Variants in TUSC3 observed in about 807,000 individuals in gnomAD.
TUSC3 encodes the protein dolichyl-diphosphooligosaccharide--protein glycosyltransferase subunit TUSC3.
In TUSC3, 45 loss-of-function variants were observed where a neutral mutation model predicts 44.8. The observed-to-expected ratio is 1.00, with a 90% confidence interval of 0.79 to 1.29. TUSC3 has a LOEUF of 1.29. Ranked by LOEUF, TUSC3 falls within the 50% of genes most tolerant of loss-of-function variation. The pLI is 0.00. For missense variants in TUSC3, 519 were observed against 437.9 expected, an observed-to-expected ratio of 1.19 and a Z score of -1.65; for synonymous variants, 212 against 152.9, an observed-to-expected ratio of 1.39 and a Z score of -2.85.
At chr8:15,785,122 C>G in the TUSC3 span, among the ~76,000 whole-genome samples, 3 of 152,106 alleles carry the variant, frequency 2.0e-5, no homozygotes, top group African/African-American at 7.2e-5. Flanking sequence ...ATATTAGGTA[C>G]AGTGCACACT....
chr8:15,442,112 T>A (rs548919553), intron 1 of TUSC3, among the ~76,000 whole-genome samples: 88 of 152,320 alleles, frequency 5.8e-4, no homozygotes, highest in Non-Finnish European at 9.7e-4. Context: ...AGGATTTGAA[T>A]GTGTTTAACT....
intron 1 of TUSC3, among the ~76,000 whole-genome samples, chr8:15,605,526 C>G (rs1259487930): frequency 6.6e-6 from 1 of 151,552 alleles, no homozygotes; most frequent in African/African-American, 2.4e-5. Context: ...AGATTTTTTT[C>G]AAATCAATAT....
At chr8:15,567,021 A>G (rs1250342302) in intron 1 of TUSC3, among the ~76,000 whole-genome samples, 7 of 152,146 alleles carry the variant, frequency 4.6e-5, no homozygotes, top group Non-Finnish European at 8.8e-5. Flanking sequence ...CTTGGCTAAG[A>G]TAATGGCAAA....
intron 1 of TUSC3, among the ~76,000 whole-genome samples, chr8:15,583,847 A>G (rs531161147): frequency 6.6e-6 from 1 of 152,260 alleles, no homozygotes; most frequent in East Asian, 1.9e-4. Flanking sequence ...AAAACCACAA[A>G]CCCTTATTTT....
intron 2 of TUSC3, among the ~76,000 whole-genome samples, chr8:15,484,788 C>T (rs564579344): frequency 1.3e-5 from 2 of 152,302 alleles, no homozygotes; most frequent in African/African-American, 4.8e-5. Flanking sequence ...ACAGTTCCAT[C>T]ACTTTTAAAA....
In TUSC3 at chr8:15,584,296, GTGTT is replaced by G. The variant is rs1803504458; in HGVS notation, c.139-38778_139-38775del. On this transcript the variant is annotated intron_variant, in intron 1 of 10. Coordinates refer to ENST00000503731, the MANE Select transcript of TUSC3 (RefSeq NM_006765.4). Reference sequence around the variant, plus strand: ...GGCAGGGTGATCCAGAAGGATAGGGGTGTTTGTTTTGTTGTTTCTTCCCCCGCTT... The same window carrying G: ...GGCAGGGTGATCCAGAAGGATAGGGGTGTTTTGTTGTTTCTTCCCCCGCTT... 2.0e-5 allele frequency among the ~76,000 whole-genome samples: 3 copies of G among 152,126 alleles called. No homozygotes were observed. The South Asian group carries it at 6.2e-4, about 31-fold the overall frequency.
intron 1 of TUSC3, among the ~76,000 whole-genome samples, chr8:15,549,468 G>A (rs910020186): frequency 2.0e-5 from 3 of 151,580 alleles, no homozygotes; most frequent in Non-Finnish European, 4.4e-5. Context: ...CACCATGCTC[G>A]GCCTAATGTA....
chr8:15,623,376 T>A (rs1235662623), intron 2 of TUSC3, 127 bp downstream of exon 2: 1 of 989,600 alleles, frequency 1.0e-6, no homozygotes, highest in Non-Finnish European at 1.4e-6. Flanking sequence ...AACTGTGCAT[T>A]TAAAAATAAG....
At chr8:15,842,925 A>G in the TUSC3 span, among the ~76,000 whole-genome samples, 1 of 152,332 alleles carries the variant, frequency 6.6e-6, no homozygotes, top group East Asian at 1.9e-4. Context: ...ACCATGCAGA[A>G]CCATAAAAGT....
At chr8:15,825,766 T>C in the TUSC3 span, among the ~76,000 whole-genome samples, 2 of 152,188 alleles carry the variant, frequency 1.3e-5, no homozygotes, top group African/African-American at 2.4e-5. Flanking sequence ...ATGCATTTTT[T>C]TGCCCAGGTA....
At chr8:15,678,965 C>T (rs1378853059) in intron 6 of TUSC3, among the ~76,000 whole-genome samples, 1 of 152,070 alleles carries the variant, frequency 6.6e-6, no homozygotes, top group African/African-American at 2.4e-5. Flanking sequence ...CATAGTATTC[C>T]TTGGTGTATA....
At chr8:15,574,251 CTCTT>C (rs1279825866) in intron 1 of TUSC3, among the ~76,000 whole-genome samples, 1 of 152,108 alleles carries the variant, frequency 6.6e-6, no homozygotes, top group African/African-American at 2.4e-5. Context: ...CTCCTTCTCT[CTCTT>C]TGTCTTAATC....
At chr8:15,805,055 G>C in the TUSC3 span, among the ~76,000 whole-genome samples, 9 of 152,080 alleles carry the variant, frequency 5.9e-5, no homozygotes, top group African/African-American at 1.9e-4. Flanking sequence ...TCCTCGGTTA[G>C]ATGTATTCCT....
At position 15,563,685 on chromosome 8, in the gene TUSC3, C is replaced by CAAAAAAAAAAAAAAAAA. The variant is rs150368776; in HGVS notation, c.138+23121_138+23137dup. On this transcript the variant is annotated intron_variant, in intron 1 of 10. Coordinates refer to ENST00000503731, the MANE Select transcript of TUSC3 (RefSeq NM_006765.4). ...TGAGTGACAGAGTGAGCCTCCATCT[C>CAAAAAAAAAAAAAAAAA]AAAAAAAAAAAAAAAAAAAAGAACA... Among the ~76,000 whole-genome samples the CAAAAAAAAAAAAAAAAA allele has an allele frequency of 4.0e-4, 32 of 79,952 alleles. 1 individual carries two copies. Among genetic ancestry groups the CAAAAAAAAAAAAAAAAA allele is most frequent in the African/African-American group, 8.8e-4 (16 of 18,260 alleles). The allele number at this position is 79,952 out of a possible 152,430, so 52.5% of individuals were successfully genotyped here.
chr8:15,811,065 G>A, the TUSC3 span, among the ~76,000 whole-genome samples: 1 of 152,122 alleles, frequency 6.6e-6, no homozygotes, highest in Non-Finnish European at 1.5e-5. Context: ...AAGAAAAGGG[G>A]GAAGCGTATG....
intron 1 of TUSC3, among the ~76,000 whole-genome samples, chr8:15,590,955 T>G (rs532755764): frequency 6.6e-6 from 1 of 152,134 alleles, no homozygotes; most frequent in African/African-American, 2.4e-5. Flanking sequence ...ATTATAGGCT[T>G]GAGGCACTGC....
intron 2 of TUSC3, among the ~76,000 whole-genome samples, chr8:15,649,260 G>A (rs1464087805): frequency 6.6e-6 from 1 of 152,116 alleles, no homozygotes; most frequent in Non-Finnish European, 1.5e-5. Context: ...ACTGGTTCGG[G>A]AGGGTGCAGA....
chr8:15,835,437 T>G, the TUSC3 span, among the ~76,000 whole-genome samples: 12 of 152,174 alleles, frequency 7.9e-5, no homozygotes, highest in African/African-American at 2.7e-4. Flanking sequence ...TCTATTTCAT[T>G]GATTCCTGCC....
At chr8:15,422,571 A>G (rs185419159) in intron 1 of TUSC3, among the ~76,000 whole-genome samples, 1 of 152,310 alleles carries the variant, frequency 6.6e-6, no homozygotes, top group African/African-American at 2.4e-5. Context: ...AAGACGGTAG[A>G]TTTTAACTGC....
Sources: gnomAD v4.1 joint callset for allele counts (sites outside exome capture counted in the v4.1 genomes callset) on GRCh38, gnomAD v4.1.1 for gene constraint, MANE v1.5 for transcripts, NCBI Gene and HGNC (gene_info 2026-07-23, HGNC 2026-07-21) for gene names.